Variants in PITPNM1 observed in about 807,000 individuals in gnomAD.
PITPNM1 encodes phosphatidylinositol transfer protein membrane associated 1.
In PITPNM1, 74 loss-of-function variants were observed where a neutral mutation model predicts 133.3. That is an observed-to-expected ratio of 0.56 (90% CI 0.46 to 0.67). The LOEUF (loss-of-function observed/expected upper bound fraction) is 0.67, where lower values mean the gene tolerates loss of function less well. Ranked by LOEUF, PITPNM1 falls within the 30% of genes least tolerant of loss-of-function variation. The pLI is 0.00. For synonymous variants in PITPNM1, 738 were observed against 741.4 expected (o/e 1.00, Z 0.08); for missense variants, 1,398 against 1,739.5 (o/e 0.80, Z 3.49).
intron 14 of PITPNM1, chr11:67,496,557 C>T (rs770244637): frequency 2.7e-5 from 14 of 519,612 alleles, no homozygotes; most frequent in South Asian, 1.4e-4. Context: ...CCCAGTACTG[C>T]GGGAGGCAGA....
chr11:67,495,686 T>C, intron 15 of PITPNM1, 84 bp from the exon 16 acceptor site: 1 of 1,311,976 alleles, frequency 7.6e-7, no homozygotes, highest in Non-Finnish European at 1.0e-6. Context: ...ACCTCTGCCA[T>C]CTTCCTGTGG....
Position 67,498,509 on chromosome 11 carries a change from T to C in PITPNM1, c.1484+87A>G. ...GCCATGCCAGTGACCGACCCAGGTG[T>C]CTGGCTTCCTGACCCCTTCCCCGCT... On this transcript the variant is annotated intron_variant, in intron 10 of 23. Transcript: ENST00000356404. This position sits in a 1 kb window ranked among gnomAD's most constrained non-coding sequence, Gnocchi z 5.7. The C allele has an allele frequency of 1.3e-6, 2 of 1,535,078 alleles. No individual in the cohort carries two copies. Among genetic ancestry groups the C allele is most frequent in the Non-Finnish European group, 1.8e-6 (2 of 1,141,662 alleles).
In PITPNM1 at chr11:67,502,285, G is replaced by A. The variant is rs779432384; in HGVS notation, c.415+7C>T. On this transcript the variant is annotated splice_region_variant and intron_variant, in intron 4 of 23. Transcript: ENST00000356404. This position sits in a 1 kb window ranked among gnomAD's most constrained non-coding sequence, Gnocchi z 5.9. Reference sequence around the variant, plus strand: ...CGCCAGGGTCCCCCCATAGCTCCAGGCCTCACCCAGGATGCGCTGTCTCCT... The same window carrying A: ...CGCCAGGGTCCCCCCATAGCTCCAGACCTCACCCAGGATGCGCTGTCTCCT... 1.2e-6 allele frequency: 2 copies of A among 1,612,348 alleles called. No individual in the cohort carries two copies. The highest frequency in any genetic ancestry group is 2.2e-5 in the East Asian group (1 of 44,880).
rs1281428463 is a variant in PITPNM1 at position 67,499,798 on chromosome 11, T to C, written c.1096A>G (p.Lys366Glu). ...TTGGAGTTCCACTTGGTCATCTCCT[T>C]GGGGAAGACCTCCTCACTGTCCGAG... ...GFSDSEEVFP[K>E]EMTKWNSNDF... The change falls in exon 8 of 24, where the codon AAG becomes GAG. Residue 366 changes from lysine (K) to glutamate (E), a missense_variant. By Grantham distance (56) the Lys-to-Glu change is moderately conservative. Coordinates refer to ENST00000356404, the MANE Select transcript of PITPNM1 (RefSeq NM_004910.3). 12 of 1,550,462 alleles carry C rather than the reference T, an allele frequency of 7.7e-6. No individual in the cohort carries two copies. The highest frequency in any genetic ancestry group is 1.4e-5 in the African/African-American group (1 of 72,792).
chr11:67,495,746 T>A, intron 15 of PITPNM1, 144 bp from the exon 16 acceptor site: 1 of 789,332 alleles, frequency 1.3e-6, no homozygotes, highest in Non-Finnish European at 1.9e-6. Flanking sequence ...TTCTCTCCTC[T>A]CAGCCCAGTG....
Position 67,493,600 on chromosome 11 carries a change from G to A in PITPNM1, c.3159-7C>T, listed in dbSNP as rs371991102. ...GCCGGAGTCCTGCCAGTGCCTGTGGGGCGGGGGCAGCGGTCAGCTCCGCTG... is the reference window on the plus strand; with the variant it reads ...GCCGGAGTCCTGCCAGTGCCTGTGGAGCGGGGGCAGCGGTCAGCTCCGCTG... On this transcript the variant is annotated splice_region_variant and splice_polypyrimidine_tract_variant and intron_variant, in intron 21 of 23. Coordinates refer to ENST00000356404, the MANE Select transcript of PITPNM1 (RefSeq NM_004910.3). 3 of 1,546,456 alleles carry A rather than the reference G, an allele frequency of 1.9e-6. No individual in the cohort carries two copies. The African/African-American group carries it at 4.1e-5, about 21-fold the overall frequency.
intron 8 of PITPNM1, 70 bp from the exon 9 acceptor site, chr11:67,499,071 C>A: frequency 6.8e-7 from 1 of 1,479,706 alleles, no homozygotes; most frequent in East Asian, 2.3e-5. Flanking sequence ...GCACTTCAGG[C>A]ACCCCAGTTC....
chr11:67,495,016 C>A (rs559342588), intron 17 of PITPNM1, 60 bp from the exon 18 acceptor site: 2 of 1,602,858 alleles, frequency 1.2e-6, no homozygotes, highest in Admixed American at 1.7e-5. Flanking sequence ...GCCCCTCCCC[C>A]GGCCCAAAGC....
chr11:67,495,587 G>C lies in PITPNM1; in HGVS notation c.2333C>G (p.Thr778Arg). 6.3e-7 allele frequency: 1 copy of C among 1,575,354 alleles called. No individual in the cohort carries two copies. The highest frequency in any genetic ancestry group is 8.6e-7 in the Non-Finnish European group (1 of 1,166,308). Reference protein sequence around the residue: ...SSLLLADTLQTHSSLFLEELE... With the variant: ...SSLLLADTLQRHSSLFLEELE... ...CTCCTCCAGAAAGAGGCTGGAGTGC[G>C]TCTGCAGAGTGTCGGCTGGGGGAAG... is the stretch of plus-strand genomic sequence containing the variant. Residue 778 changes from threonine to arginine, a missense_variant, in exon 16 of 24, where the codon ACG becomes AGG. Transcript: ENST00000356404.
intron 22 of PITPNM1, 61 bp downstream of exon 22, chr11:67,493,349 G>T: frequency 6.9e-7 from 1 of 1,457,774 alleles, no homozygotes; most frequent in Non-Finnish European, 9.2e-7. Flanking sequence ...CGATCCGGGG[G>T]TGGAGGGTAA....
chr11:67,492,380 G>C, intron 23 of PITPNM1, 84 bp from the exon 24 acceptor site: 1 of 1,357,130 alleles, frequency 7.4e-7, no homozygotes, highest in Admixed American at 2.8e-5. Context: ...AGGCACCTGA[G>C]GCAGGCTGGG....
chr11:67,494,908 T>A lies in PITPNM1; in HGVS notation c.2680A>T (p.Ile894Phe). ...TCCCTGGGGAAGGCCGGGCTGTAGA[T>A]GGACGGCTCCTCGCATTCCGCCAGC... ...PQLAECEEPS[I>F]YSPAFPREKW... The change falls in exon 18 of 24, where the codon ATC becomes TTC. Residue 894 changes from isoleucine (I) to phenylalanine (F), a missense_variant. This residue lies in a region of PITPNM1 where 574 missense variants were observed against 698.7 expected (regional missense o/e 0.82). Transcript: ENST00000356404. The A allele has an allele frequency of 6.2e-7, 1 of 1,612,956 alleles. No homozygotes were observed. The highest frequency in any genetic ancestry group is 1.1e-5 in the South Asian group (1 of 91,080).
chr11:67,499,560 C>CCATCCAT (rs1866246242), intron 8 of PITPNM1, 163 bp downstream of exon 8: 1 of 10,814 alleles, frequency 9.2e-5, no homozygotes, highest in Non-Finnish European at 2.8e-4. Flanking sequence ...CATCCATCCA[C>CCATCCAT]CCATCCATCC....
In PITPNM1 at chr11:67,493,750, G is replaced by A. The variant is rs1231194784; in HGVS notation, c.3096C>T (p.Thr1032=). The change falls in exon 21 of 24, where the codon ACC becomes ACT. Residue 1032 remains threonine (T), a synonymous_variant. Coordinates refer to ENST00000356404, the MANE Select transcript of PITPNM1 (RefSeq NM_004910.3). ...CGCTGCCCATGATGGAGACGCTGGC[G>A]GTGAAGGAGCCGTCGATGCTGAAGA... The part of the protein sequence containing the change: ...AVVFSIDGSF[T]ASVSIMGSDP... 4 of 1,548,598 alleles carry A rather than the reference G, an allele frequency of 2.6e-6. No individual in the cohort carries two copies. The highest frequency in any genetic ancestry group is 3.9e-5 in the Admixed American group (2 of 51,084).
intron 2 of PITPNM1, among the ~76,000 whole-genome samples, chr11:67,503,115 G>A (rs1485416582): frequency 6.6e-6 from 1 of 152,244 alleles, no homozygotes. Context: ...GGTGCTATAG[G>A]AAAAGAAAGC....
Position 67,504,030 on chromosome 11 carries a change from G to A in PITPNM1, c.78+73C>T, listed in dbSNP as rs1866413376. On this transcript the variant is annotated intron_variant, in intron 2 of 23. Transcript: ENST00000356404. This position sits in a 1 kb window ranked among gnomAD's most constrained non-coding sequence, Gnocchi z 5.4. ...TCCTCCGGGCTCCCAGCCGGTCCCA[G>A]CCCCGGGGCAGGGCTGGCGGGGTCG... is the stretch of plus-strand genomic sequence containing the variant. The A allele has an allele frequency of 8.1e-7, 1 of 1,239,372 alleles. No homozygotes were observed. The highest frequency in any genetic ancestry group is 1.1e-6 in the Non-Finnish European group (1 of 890,738). The allele number at this position is 1,239,372 out of a possible 1,614,324, so 76.8% of individuals were successfully genotyped here.
chr11:67,494,032 C>A lies in PITPNM1; in HGVS notation c.2898G>T (p.Lys966Asn), dbSNP rs145345615. Residue 966 changes from lysine to asparagine, a missense_variant, in exon 20 of 24, where the codon AAG (lysine) becomes AAT (asparagine). Coordinates refer to ENST00000356404, the MANE Select transcript of PITPNM1 (RefSeq NM_004910.3). ...VYIMTQPLSGKWIHFGTEVTN... is the reference protein window; with the variant it reads ...VYIMTQPLSGNWIHFGTEVTN... The stretch of plus-strand genomic sequence containing the variant: ...TGACTTCGGTGCCAAAGTGGATCCA[C>A]TTGCCCGACAGCGGCTGCGTCATGA... 11 of 1,610,964 alleles carry A rather than the reference C, an allele frequency of 6.8e-6. No individual in the cohort carries two copies. The highest frequency in any genetic ancestry group is 9.3e-6 in the Non-Finnish European group (11 of 1,179,056).
chr11:67,501,381 T>C (rs1238327892), intron 5 of PITPNM1, among the ~76,000 whole-genome samples: 1 of 152,126 alleles, frequency 6.6e-6, no homozygotes, highest in Admixed American at 6.5e-5. Flanking sequence ...AGGGCTGAAT[T>C]GTAGGCGTGG....
upstream of PITPNM1, chr11:67,506,199 C>T (rs1490207975): frequency 6.3e-6 from 1 of 158,984 alleles, no homozygotes; most frequent in Non-Finnish European, 1.4e-5. Flanking sequence ...TCCATGCTGC[C>T]AGGCATCACC....
Sources: gnomAD v4.1 joint callset for allele counts (sites outside exome capture counted in the v4.1 genomes callset) on GRCh38, gnomAD v4.1.1 for gene constraint, gnomAD v4.1.1 regional missense constraint, Gnocchi (gnomAD v3.1) non-coding constraint, MANE v1.5 for transcripts, NCBI Gene and HGNC (gene_info 2026-07-23, HGNC 2026-07-21) for gene names.